METAP1D: variants seen among roughly 807,000 people sequenced by gnomAD.
The protein encoded by METAP1D is methionyl aminopeptidase type 1D, mitochondrial, also known as methionine aminopeptidase 1D, mitochondrial.
METAP1D carries 31 observed loss-of-function variants against 40.5 expected under a neutral mutation model. That is an observed-to-expected ratio of 0.77 (90% CI 0.58 to 1.03). METAP1D has a LOEUF of 1.03. METAP1D is among the 50% of genes least tolerant of loss of function. The probability of loss-of-function intolerance (pLI) is 0.00; values close to 1 mark genes in which losing one functional copy is unlikely to be tolerated. For missense variants in METAP1D, 411 were observed against 420.7 expected, an observed-to-expected ratio of 0.98 and a Z score of 0.20; for synonymous variants, 151 against 146.4, an observed-to-expected ratio of 1.03 and a Z score of -0.22.
intron 2 of METAP1D, 138 bp from the exon 3 acceptor site, chr2:172,063,573 G>A: frequency 1.5e-6 from 1 of 682,292 alleles, no homozygotes; most frequent in East Asian, 2.8e-5. Context: ...AGCCTGGAGG[G>A]TCTGTTGTGC....
intron 6 of METAP1D, among the ~76,000 whole-genome samples, chr2:172,075,754 GA>G (rs1231680397): frequency 2.0e-5 from 3 of 152,144 alleles, no homozygotes; most frequent in Non-Finnish European, 4.4e-5. Flanking sequence ...AATCCAGAAG[GA>G]AAATACTCTG....
Position 172,065,712 on chromosome 2 carries a change from A to G in METAP1D, c.457A>G (p.Thr153Ala). The G allele has an allele frequency of 6.2e-7, 1 of 1,613,952 alleles. No individual in the cohort carries two copies. The change falls in exon 4 of 10, where the codon ACC (threonine) becomes GCC (alanine). Residue 153 changes from threonine to alanine, a missense_variant. Coordinates refer to ENST00000315796, the MANE Select transcript of METAP1D (RefSeq NM_199227.3). ...GYGGFPKSVCTSVNNVLCHGI... is the reference protein window; with the variant it reads ...GYGGFPKSVCASVNNVLCHGI... ...TGGAGGTTTTCCAAAATCTGTTTGTACCTCTGTAAACAACGTGCTCTGTCA... is the reference window on the plus strand; with the variant it reads ...TGGAGGTTTTCCAAAATCTGTTTGTGCCTCTGTAAACAACGTGCTCTGTCA...
At chr2:172,044,673 G>C (rs898690407) in intron 1 of METAP1D, among the ~76,000 whole-genome samples, 1 of 135,182 alleles carries the variant, frequency 7.4e-6, no homozygotes, top group East Asian at 2.0e-4. Context: ...TTGGGAAGCC[G>C]AGGAGGGTGG....
chr2:172,002,609 A>T (rs1688491825), intron 1 of METAP1D, among the ~76,000 whole-genome samples: 2 of 152,128 alleles, frequency 1.3e-5, no homozygotes, highest in South Asian at 4.1e-4. Flanking sequence ...TGTCATCAGG[A>T]AGCTATTTTA....
intron 1 of METAP1D, among the ~76,000 whole-genome samples, chr2:172,036,200 C>A (rs1163003274): frequency 2.0e-5 from 3 of 150,244 alleles, no homozygotes; most frequent in African/African-American, 7.3e-5. Flanking sequence ...GCCTGTAGTC[C>A]CAGCTACTTG....
In METAP1D at chr2:172,080,196, G is replaced by T; in HGVS notation, c.919G>T (p.Asp307Tyr). 1 of 1,614,210 alleles carries T rather than the reference G, an allele frequency of 6.2e-7. No individual in the cohort carries two copies. The highest frequency in any genetic ancestry group is 8.5e-7 in the Non-Finnish European group (1 of 1,180,016). ...GGATGCATGGACTGTGGTCTCCCTA[G>T]ACAATCAAAGGTGTTTGCTTTCTGC... ...LEDAWTVVSLDNQRSAQFEHT... is the reference protein window; with the variant it reads ...LEDAWTVVSLYNQRSAQFEHT... The change falls in exon 9 of 10, where the codon GAC becomes TAC. Residue 307 changes from aspartate to tyrosine, a missense_variant. By Grantham distance (160) the Asp-to-Tyr change is radical. Coordinates refer to ENST00000315796, the MANE Select transcript of METAP1D (RefSeq NM_199227.3).
At chr2:172,014,301 A>G (rs1212085549) in intron 1 of METAP1D, among the ~76,000 whole-genome samples, 1 of 149,636 alleles carries the variant, frequency 6.7e-6, no homozygotes, top group African/African-American at 2.5e-5. Context: ...TAATAGAGAC[A>G]GGGTTTCACT....
chr2:172,014,745 C>T (rs1288178744), intron 1 of METAP1D, among the ~76,000 whole-genome samples: 2 of 151,974 alleles, frequency 1.3e-5, no homozygotes, highest in Non-Finnish European at 2.9e-5. Context: ...CTCCATCTCC[C>T]GGGTTCAAGA....
chr2:172,039,605 G>A (rs1689467876), intron 1 of METAP1D, among the ~76,000 whole-genome samples: 1 of 151,882 alleles, frequency 6.6e-6, no homozygotes, highest in Admixed American at 6.6e-5. Context: ...GATGAGTTTT[G>A]GTATTATTGT....
At chr2:172,036,763 A>T (rs1689401079) in intron 1 of METAP1D, among the ~76,000 whole-genome samples, 1 of 152,110 alleles carries the variant, frequency 6.6e-6, no homozygotes, top group South Asian at 2.1e-4. Flanking sequence ...TGAATTAGTG[A>T]CTTCATAATT....
intron 1 of METAP1D, among the ~76,000 whole-genome samples, chr2:172,031,148 C>T (rs973825222): frequency 1.3e-5 from 2 of 152,100 alleles, no homozygotes; most frequent in Non-Finnish European, 2.9e-5. Context: ...AAAATATGTC[C>T]CCTACAGCCT....
chr2:172,013,550 G>A (rs1424404603), intron 1 of METAP1D, among the ~76,000 whole-genome samples: 1 of 152,150 alleles, frequency 6.6e-6, no homozygotes, highest in African/African-American at 2.4e-5. Flanking sequence ...TATTAGGGTG[G>A]TGAGGCCTGT....
chr2:172,038,937 G>A (rs74389179), intron 1 of METAP1D, among the ~76,000 whole-genome samples: 2,584 of 152,278 alleles, frequency 0.017, 68 homozygotes, highest in African/African-American at 0.058. Context: ...ATCTAGTCAC[G>A]CCAATGGAGT....
At chr2:172,064,128 A>T in intron 3 of METAP1D, 1 of 300,638 alleles carries the variant, frequency 3.3e-6, no homozygotes, top group South Asian at 8.6e-5. Flanking sequence ...GTCTCAGTCA[A>T]CCTATCCAAG....
At chr2:172,060,605 C>T (rs1559016186) in intron 1 of METAP1D, among the ~76,000 whole-genome samples, 1 of 152,006 alleles carries the variant, frequency 6.6e-6, no homozygotes, top group Non-Finnish European at 1.5e-5. Flanking sequence ...CACTTTTTTC[C>T]TAACAGTGTA....
At chr2:172,016,879 T>C (rs1688879895) in intron 1 of METAP1D, among the ~76,000 whole-genome samples, 2 of 151,912 alleles carry the variant, frequency 1.3e-5, no homozygotes, top group South Asian at 4.1e-4. Flanking sequence ...CATATGCTAT[T>C]CCTCGTGCTT....
chr2:172,025,638 A>T lies in METAP1D; in HGVS notation c.40+25629A>T, dbSNP rs550793030. The stretch of plus-strand genomic sequence containing the variant: ...ACAGGTATGCACCATGTTATGGAAA[A>T]TTTTAAATATGCATTAGAGAGAATA... On this transcript the variant is annotated intron_variant, in intron 1 of 9. Coordinates refer to ENST00000315796, the MANE Select transcript of METAP1D (RefSeq NM_199227.3). Among the ~76,000 whole-genome samples the T allele has an allele frequency of 9.2e-5, 14 of 152,210 alleles. No individual in the cohort carries two copies. In the South Asian group the frequency reaches 2.9e-3, roughly 32 times the overall value.
At chr2:172,069,702 G>T (rs1489614056) in intron 5 of METAP1D, among the ~76,000 whole-genome samples, 1 of 152,174 alleles carries the variant, frequency 6.6e-6, no homozygotes, top group East Asian at 1.9e-4. Context: ...AGGTAATTAA[G>T]ATAATTTGAT....
At chr2:172,015,789 C>T (rs1688839170) in intron 1 of METAP1D, among the ~76,000 whole-genome samples, 1 of 151,716 alleles carries the variant, frequency 6.6e-6, no homozygotes, top group Non-Finnish European at 1.5e-5. Flanking sequence ...GTGAGACCCC[C>T]ATCTTTATAA....
Sources: gnomAD v4.1 joint callset for allele counts (sites outside exome capture counted in the v4.1 genomes callset) on GRCh38, gnomAD v4.1.1 for gene constraint, MANE v1.5 for transcripts, NCBI Gene and HGNC (gene_info 2026-07-23, HGNC 2026-07-21) for gene names.